ACACA: variants seen among roughly 807,000 people sequenced by gnomAD.
The protein encoded by ACACA is acetyl-CoA carboxylase 1.
Under a neutral mutation model 296.1 loss-of-function variants are expected in ACACA, and 103 were observed. The ratio of observed to expected loss-of-function variants is 0.35; its 90% CI spans 0.30 to 0.41. The LOEUF is 0.41. ACACA is among the 10% of genes least tolerant of loss of function. ACACA has a pLI of 1.00. For missense variants in ACACA, 1,554 were observed against 2,989.7 expected (o/e 0.52, Z 11.20); for synonymous variants, 953 against 1,038.6 (o/e 0.92, Z 1.58).
chr17:37,240,867 T>G (rs1361092101), intron 23 of ACACA, among the ~76,000 whole-genome samples: 1 of 152,118 alleles, frequency 6.6e-6, no homozygotes, highest in Non-Finnish European at 1.5e-5. Flanking sequence ...GGCTGAGATA[T>G]CTGAAAAATT....
chr17:37,330,025 T>C, intron 3 of ACACA, 148 bp downstream of exon 3: 3 of 1,005,452 alleles, frequency 3.0e-6, no homozygotes, highest in Non-Finnish European at 3.0e-6. Flanking sequence ...AAATACATCA[T>C]TTCTGACTTC....
rs778933542 is a variant in ACACA at position 37,188,496 on chromosome 17, C to A, written c.4573-16G>T. On this transcript the variant is annotated splice_polypyrimidine_tract_variant and intron_variant, in intron 38 of 55. Transcript: ENST00000616317. ...ATTCCTCAATCTGACACAGACACAT[C>A]ACCAAGCACAAAACTTAAATATCTT... The A allele has an allele frequency of 1.9e-6, 3 of 1,612,254 alleles. No individual in the cohort carries two copies. The highest frequency in any genetic ancestry group is 2.2e-5 in the East Asian group (1 of 44,874).
chr17:37,272,817 G>A (rs1489795181), intron 9 of ACACA, among the ~76,000 whole-genome samples: 3 of 151,970 alleles, frequency 2.0e-5, no homozygotes, highest in South Asian at 4.1e-4. Flanking sequence ...TATAAGTATA[G>A]GAATCTATTA....
rs150069960 is a variant in ACACA at position 37,102,032 on chromosome 17, C to T, written c.6566-4048G>A. Among the ~76,000 whole-genome samples, 8 of 152,290 alleles carry T rather than the reference C, an allele frequency of 5.3e-5. 1 individual carries two copies. The East Asian group carries it at 1.5e-3, about 29-fold the overall frequency. Reference sequence around the variant, plus strand: ...ACCTACATCTGGTCAGCTGTTAACACTGCTGCCAAGCTGAATACTTCAACG... The same window carrying T: ...ACCTACATCTGGTCAGCTGTTAACATTGCTGCCAAGCTGAATACTTCAACG... On this transcript the variant is annotated intron_variant, in intron 52 of 55. Transcript: ENST00000616317.
chr17:37,292,639 T>TGAGGCCAGGAATTC (rs2083124927), intron 3 of ACACA, among the ~76,000 whole-genome samples: 1 of 152,184 alleles, frequency 6.6e-6, no homozygotes, highest in South Asian at 2.1e-4. Flanking sequence ...GAGGATGGCT[T>TGAGGCCAGGAATTC]GAGGCCAGGA....
At chr17:37,334,531 A>G (rs1312062278) in intron 2 of ACACA, among the ~76,000 whole-genome samples, 2 of 150,418 alleles carry the variant, frequency 1.3e-5, no homozygotes, top group African/African-American at 4.9e-5. Context: ...ATCACACTCA[A>G]GTCAAACCCT....
chr17:37,368,156 T>C (rs1033328286), intron 1 of ACACA, among the ~76,000 whole-genome samples: 1 of 151,960 alleles, frequency 6.6e-6, no homozygotes, highest in African/African-American at 2.4e-5. Flanking sequence ...GGCCCTGTCT[T>C]AGCTATGAGG....
At chr17:37,367,798 T>C (rs2049658908) in intron 1 of ACACA, 1 of 152,196 alleles carries the variant, frequency 6.6e-6, no homozygotes. Context: ...CTGGGCACAG[T>C]GGTTTATGCT....
At chr17:37,381,722 G>A (rs1162712977) in intron 1 of ACACA, among the ~76,000 whole-genome samples, 1 of 150,332 alleles carries the variant, frequency 6.7e-6, no homozygotes, top group Admixed American at 6.6e-5. Context: ...CCGCCTCTCG[G>A]GTTCACGCCA....
At chr17:37,174,140 C>A (rs1386443555) in intron 41 of ACACA, among the ~76,000 whole-genome samples, 7 of 146,264 alleles carry the variant, frequency 4.8e-5, no homozygotes, top group African/African-American at 1.5e-4. Flanking sequence ...GGATTACAGG[C>A]ATGCGCCACC....
intron 1 of ACACA, among the ~76,000 whole-genome samples, chr17:37,349,671 C>A (rs2048805153): frequency 6.6e-6 from 1 of 151,330 alleles, no homozygotes; most frequent in South Asian, 2.1e-4. Flanking sequence ...ATTCTTCTGC[C>A]TCAGCATCCC....
rs777406781 is a variant in ACACA, at chr17:37,125,693, C to T, written c.6041+5G>A. ...AAAGAGCTGCCAAAACAAAAGAGCT[C>T]TTACCTGGCTCTACCAACCACCACA... On this transcript the variant is annotated splice_donor_5th_base_variant and intron_variant, in intron 48 of 55. Transcript: ENST00000616317. 1.9e-6 allele frequency: 3 copies of T among 1,611,248 alleles called. No homozygotes were observed. Among genetic ancestry groups the T allele is most frequent in the South Asian group, 2.2e-5 (2 of 90,942 alleles).
intron 1 of ACACA, among the ~76,000 whole-genome samples, chr17:37,355,904 C>T (rs1314941511): frequency 6.6e-6 from 1 of 151,686 alleles, no homozygotes; most frequent in Non-Finnish European, 1.5e-5. Context: ...TGCGGTGGCT[C>T]ACGCCTGTAA....
intron 1 of ACACA, chr17:37,359,068 A>G: frequency 1.0e-6 from 1 of 985,816 alleles, no homozygotes; most frequent in African/African-American, 1.7e-5. Context: ...GGGCGGGAGG[A>G]GACGCCGGCG....
intron 35 of ACACA, among the ~76,000 whole-genome samples, chr17:37,198,855 A>G (rs1345456117): frequency 2.0e-5 from 3 of 152,362 alleles, no homozygotes; most frequent in East Asian, 3.9e-4. Flanking sequence ...TAGGTCCTTG[A>G]GTTTAGAAAG....
chr17:37,275,270 G>C (rs1251972001), intron 8 of ACACA, among the ~76,000 whole-genome samples: 1 of 152,080 alleles, frequency 6.6e-6, no homozygotes. Flanking sequence ...GGCCAAGGCA[G>C]GTAGATCACA....
Position 37,299,397 on chromosome 17 carries a change from T to C in ACACA, c.339-14427A>G. 3 of 1,612,684 alleles carry C rather than the reference T, an allele frequency of 1.9e-6. No homozygotes were observed. In the Admixed American group the frequency reaches 5.0e-5, roughly 27 times the overall value. On this transcript the variant is annotated intron_variant, in intron 3 of 55. Coordinates refer to ENST00000616317, the MANE Select transcript of ACACA (RefSeq NM_198834.3). ...TCGGCCTTGTAAACACAAGCCGCAG[T>C]TCCTCCTCCTGTTGCAGCTGCTTAA...
chr17:37,191,049 T>G, intron 38 of ACACA, 71 bp downstream of exon 38: 1,426 of 1,534,720 alleles, frequency 9.3e-4, no homozygotes, highest in Non-Finnish European at 1.2e-3. Flanking sequence ...CAAGTCCAAG[T>G]GAGATAAATA....
intron 1 of ACACA, among the ~76,000 whole-genome samples, chr17:37,362,366 C>G (rs2049435604): frequency 1.3e-5 from 2 of 152,180 alleles, no homozygotes; most frequent in Admixed American, 1.3e-4. Context: ...AAGTTGCTTT[C>G]TTATCTTCCT....
Sources: allele counts gnomAD v4.1 joint callset (sites outside exome capture counted in the v4.1 genomes callset), GRCh38; gene constraint gnomAD v4.1.1; transcripts MANE v1.5; gene names NCBI Gene and HGNC (gene_info 2026-07-23, HGNC 2026-07-21).